The following NAV1 variants were observed in gnomAD, a reference collection of about 807,000 sequenced individuals.
NAV1 encodes the protein neuron navigator 1, also known as pore membrane and/or filament interacting like protein 3.
A neutral mutation model predicts 175.2 loss-of-function variants in NAV1; 18 were observed. The ratio of observed to expected loss-of-function variants is 0.10; its 90% CI spans 0.07 to 0.15. The LOEUF is 0.15. Among genes scored for constraint, NAV1 ranks in the 10% least tolerant of loss-of-function variants. The pLI is 1.00. For synonymous variants in NAV1, 897 were observed against 978.7 expected, an observed-to-expected ratio of 0.92 and a Z score of 1.56; for missense variants, 1,731 against 2,436.6, an observed-to-expected ratio of 0.71 and a Z score of 6.10.
At chr1:201,770,454 T>C (rs768016754) in intron 3 of NAV1, among the ~76,000 whole-genome samples, 9 of 152,186 alleles carry the variant, frequency 5.9e-5, no homozygotes, top group Non-Finnish European at 1.3e-4. Flanking sequence ...GGCTAATTTA[T>C]TGAAGGGAAT....
chr1:201,685,734 T>G (rs1285194917), intron 1 of NAV1, among the ~76,000 whole-genome samples: 1 of 152,170 alleles, frequency 6.6e-6, no homozygotes, highest in Non-Finnish European at 1.5e-5. Context: ...TGAAATGACT[T>G]ACAGATCATT....
At chr1:201,556,765 C>G (rs551415816) in intron 1 of NAV1, among the ~76,000 whole-genome samples, 18 of 152,230 alleles carry the variant, frequency 1.2e-4, no homozygotes, top group Admixed American at 7.2e-4. Context: ...TTGGGGCCCT[C>G]TCTGGAGAAA....
upstream of NAV1, among the ~76,000 whole-genome samples, chr1:201,644,256 CCG>C (rs1486931999): frequency 2.0e-5 from 3 of 152,240 alleles, no homozygotes; most frequent in African/African-American, 7.2e-5. Flanking sequence ...GGGTAAATGG[CCG>C]AGTGGGAGGG....
chr1:201,809,101 G>A (rs1228393102), intron 20 of NAV1, 63 bp from the exon 25 acceptor site: 11 of 1,514,166 alleles, frequency 7.3e-6, no homozygotes, highest in African/African-American at 1.4e-5. Context: ...GGATAATGAT[G>A]GGAAAGTTTA....
chr1:201,783,345 C>A (rs1321225828), intron 6 of NAV1, 61 bp from the exon 11 acceptor site: 1 of 1,498,652 alleles, frequency 6.7e-7, no homozygotes, highest in South Asian at 1.2e-5. Context: ...TCTTTAAGGT[C>A]CTATCTGCCT....
At chr1:201,632,372 T>C (rs1668501941) in intron 2 of NAV1, among the ~76,000 whole-genome samples, 1 of 152,242 alleles carries the variant, frequency 6.6e-6, no homozygotes, top group Non-Finnish European at 1.5e-5. Context: ...CCCAGCCCAC[T>C]GATGTTTGTA....
chr1:201,619,857 C>G (rs540290441), upstream of NAV1, among the ~76,000 whole-genome samples: 7 of 152,346 alleles, frequency 4.6e-5, no homozygotes, highest in African/African-American at 1.4e-4. Flanking sequence ...GGTGATAATT[C>G]CCTGGGCACA....
Position 201,623,624 on chromosome 1 carries a change from C to T in NAV1, c.-101+18C>T, listed in dbSNP as rs142103734. The T allele has an allele frequency of 1.3e-5, 13 of 986,306 alleles. No homozygotes were observed. In the African/African-American group the frequency reaches 1.6e-4, roughly 12 times the overall value. The allele number at this position is 986,306 out of a possible 1,614,324, so 61.1% of individuals were successfully genotyped here. The stretch of plus-strand genomic sequence containing the variant: ...CAGTACAGGTGAGCTGGGGAGCAGG[C>T]AGGGAGGGAAGGGGGAAGAGCCATG... On this transcript the variant is annotated intron_variant, in intron 1 of 29. Coordinates refer to the NAV1 transcript ENST00000367302.
At position 201,783,612 on chromosome 1, in the gene NAV1, G is replaced by C; in HGVS notation, c.2564G>C (p.Ser855Thr). The C allele has an allele frequency of 1.2e-6, 2 of 1,614,188 alleles. No homozygotes were observed. The highest frequency in any genetic ancestry group is 1.7e-6 in the Non-Finnish European group (2 of 1,180,040). The change falls in exon 7 of 30, where the codon AGC becomes ACC. Residue 855 changes from serine (S) to threonine (T), a missense_variant. Coordinates refer to ENST00000367296, the Ensembl canonical transcript of NAV1. ...CCCATCCTCAATATTAACTCAGCCA[G>C]CTTCTCCCAGGGCCTGGAGCTAATG...
chr1:201,778,529 G>C (rs535826591), intron 3 of NAV1, among the ~76,000 whole-genome samples: 1 of 152,210 alleles, frequency 6.6e-6, no homozygotes, highest in Admixed American at 6.5e-5. Flanking sequence ...AAGTGAGGGG[G>C]TATGACATCT....
chr1:201,718,214 T>C lies in NAV1; in HGVS notation c.861-176T>C, dbSNP rs1301123103. ...CATTTCCTTTGTCAAACAGATAACG[T>C]ATCACAAAGGTAACACACAACCAGA... On this transcript the variant is annotated intron_variant, in intron 2 of 29. Transcript: ENST00000367296. The surrounding 1 kb of genome is among the most constrained non-coding windows in gnomAD (Gnocchi z 4.8). Among the ~76,000 whole-genome samples, 1 of 152,162 alleles carries C rather than the reference T, an allele frequency of 6.6e-6. No homozygotes were observed. The highest frequency in any genetic ancestry group is 2.4e-5 in the African/African-American group (1 of 41,420).
At position 201,635,386 on chromosome 1, in the gene NAV1, GT is replaced by G. The variant is rs367854316; in HGVS notation, c.4+5881del. ...ATAAAGCACTTACTGTGTTCCAGGT[GT>G]TATTCTAGAAGCTTGGAATACATTT... On this transcript the variant is annotated intron_variant, in intron 2 of 29. Coordinates refer to the NAV1 transcript ENST00000367302. 2.3e-3 allele frequency among the ~76,000 whole-genome samples: 346 copies of G among 152,254 alleles called. 2 individuals carry two copies. The highest frequency in any genetic ancestry group is 8.2e-3 in the African/African-American group (342 of 41,540).
chr1:201,690,237 T>C, intron 1 of NAV1, among the ~76,000 whole-genome samples: 1 of 118,662 alleles, frequency 8.4e-6, no homozygotes, highest in Non-Finnish European at 1.8e-5. Context: ...CTATTTCCTC[T>C]CTGGCCTGTC....
exon 1 of NAV1, chr1:201,623,086 T>C: frequency 2.0e-6 from 2 of 985,572 alleles, no homozygotes; most frequent in Non-Finnish European, 2.4e-6. Context: ...TTCTAGAAAC[T>C]CCTCTCCTAG....
In NAV1 at chr1:201,788,172, G is replaced by GCC. The variant is rs1465398793; in HGVS notation, c.2996-295_2996-294dup. ...TCTCAGAAAAGCTGCCAGGCCCCCA[G>GCC]CCTAACCTTCAAAAGCAACAACTCT... On this transcript the variant is annotated intron_variant, in intron 9 of 29. Coordinates refer to ENST00000367296, the Ensembl canonical transcript of NAV1. This position sits in a 1 kb window ranked among gnomAD's most constrained non-coding sequence, Gnocchi z 5.7. Among the ~76,000 whole-genome samples the GCC allele has an allele frequency of 6.6e-6, 1 of 152,106 alleles. No individual in the cohort carries two copies. Among genetic ancestry groups the GCC allele is most frequent in the African/African-American group, 2.4e-5 (1 of 41,410 alleles).
exon 7 of NAV1, chr1:201,783,525 T>C: frequency 6.2e-7 from 1 of 1,614,216 alleles, no homozygotes; most frequent in Non-Finnish European, 8.5e-7. Flanking sequence ...GTCCCAGATC[T>C]GCATGCTACA....
At chr1:201,632,399 C>T (rs1361496226) in intron 2 of NAV1, among the ~76,000 whole-genome samples, 2 of 152,248 alleles carry the variant, frequency 1.3e-5, no homozygotes, top group African/African-American at 4.8e-5. Context: ...CCCTGACCCT[C>T]CCTGGCCCAT....
intron 1 of NAV1, among the ~76,000 whole-genome samples, chr1:201,676,187 C>A (rs141321223): frequency 6.6e-6 from 1 of 152,314 alleles, no homozygotes; most frequent in African/African-American, 2.4e-5. Context: ...GACCTCTGGC[C>A]TCCTGCAGAG....
chr1:201,794,533 C>T (rs1677316169), exon 15 of NAV1: 1 of 1,613,856 alleles, frequency 6.2e-7, no homozygotes, highest in Non-Finnish European at 8.5e-7. Flanking sequence ...GAGGCCCAGG[C>T]AGTCATTCAG....
Sources: allele counts gnomAD v4.1 joint callset (sites outside exome capture counted in the v4.1 genomes callset), GRCh38; gene constraint gnomAD v4.1.1; non-coding constraint Gnocchi (gnomAD v3.1); transcripts MANE v1.5; gene names NCBI Gene and HGNC (gene_info 2026-07-23, HGNC 2026-07-21).